SMYD3: variants seen among roughly 807,000 people sequenced by gnomAD.
The protein encoded by SMYD3 is histone-lysine N-methyltransferase SMYD3.
A neutral mutation model predicts 57.7 loss-of-function variants in SMYD3; 36 were observed. The ratio of observed to expected loss-of-function variants is 0.62; its 90% CI spans 0.48 to 0.82. SMYD3 has a LOEUF of 0.82. SMYD3 is among the 40% of genes least tolerant of loss of function. SMYD3 has a pLI of 0.00. For synonymous variants in SMYD3, 211 were observed against 195.0 expected (o/e 1.08, Z -0.68); for missense variants, 515 against 538.8 (o/e 0.96, Z 0.44).
chr1:245,901,696 G>C (rs1283901483), intron 8 of SMYD3, among the ~76,000 whole-genome samples: 1 of 152,156 alleles, frequency 6.6e-6, no homozygotes, highest in Non-Finnish European at 1.5e-5. Flanking sequence ...GTTAAACAGA[G>C]CATCTAAGAG....
intron 1 of SMYD3, among the ~76,000 whole-genome samples, chr1:246,379,887 C>G (rs1572441166): frequency 6.6e-6 from 1 of 151,958 alleles, no homozygotes; most frequent in Non-Finnish European, 1.5e-5. Context: ...GTAATCCCAG[C>G]TACTCAAGAG....
chr1:245,924,993 A>C (rs2147822057), intron 7 of SMYD3, among the ~76,000 whole-genome samples: 2 of 152,072 alleles, frequency 1.3e-5, no homozygotes, highest in East Asian at 3.9e-4. Context: ...ATCTTTAAGA[A>C]GTCTCATTAA....
chr1:246,441,907 C>T (rs1468346759), intron 1 of SMYD3, among the ~76,000 whole-genome samples: 1 of 152,214 alleles, frequency 6.6e-6, no homozygotes, highest in Non-Finnish European at 1.5e-5. Flanking sequence ...CTTACGCGCC[C>T]CACCTTCTTT....
At chr1:246,227,409 A>G (rs1216722062) in intron 5 of SMYD3, among the ~76,000 whole-genome samples, 2 of 152,168 alleles carry the variant, frequency 1.3e-5, no homozygotes, top group East Asian at 3.8e-4. Context: ...AGGTCAAGAG[A>G]TCGAGACCAT....
At chr1:246,133,492 C>G (rs2061618797) in intron 5 of SMYD3, among the ~76,000 whole-genome samples, 1 of 152,042 alleles carries the variant, frequency 6.6e-6, no homozygotes, top group Non-Finnish European at 1.5e-5. Context: ...ATGATAGTAT[C>G]TCATTGTTCC....
chr1:246,506,978 G>GCCCCCCCCACCCCCCCCCCCCCC, intron 1 of SMYD3, 76 bp downstream of exon 1: 1 of 1,174,506 alleles, frequency 8.5e-7, no homozygotes, highest in Admixed American at 3.6e-5. Flanking sequence ...CGCGGCTGCC[G>GCCCCCCCCACCCCCCCCCCCCCC]GCCGCCCGAC....
At chr1:246,194,416 G>C (rs1007886017) in intron 5 of SMYD3, among the ~76,000 whole-genome samples, 2 of 152,032 alleles carry the variant, frequency 1.3e-5, no homozygotes, top group Non-Finnish European at 2.9e-5. Flanking sequence ...CTACGGGCAT[G>C]TGCCATCATG....
chr1:245,847,733 G>A (rs1392265019), intron 10 of SMYD3, among the ~76,000 whole-genome samples: 1 of 152,094 alleles, frequency 6.6e-6, no homozygotes, highest in Non-Finnish European at 1.5e-5. Context: ...CTGCTGCTTA[G>A]AGTACAATTT....
At chr1:246,256,471 G>A (rs894452889) in intron 5 of SMYD3, among the ~76,000 whole-genome samples, 3 of 152,196 alleles carry the variant, frequency 2.0e-5, no homozygotes, top group Non-Finnish European at 4.4e-5. Flanking sequence ...TGTGTGCATA[G>A]AGGTGTTCAT....
intron 5 of SMYD3, among the ~76,000 whole-genome samples, chr1:246,159,562 G>A (rs111727976): frequency 0.016 from 2,274 of 144,308 alleles, 52 homozygotes; most frequent in African/African-American, 0.055. Flanking sequence ...TTGTAGCCCC[G>A]AAAAAAAAAA....
intron 1 of SMYD3, among the ~76,000 whole-genome samples, chr1:246,397,053 C>T (rs1210737338): frequency 1.3e-4 from 20 of 152,186 alleles, no homozygotes; most frequent in Admixed American, 8.5e-4. Context: ...GTATGCTCTT[C>T]GGAAAACTGT....
intron 5 of SMYD3, among the ~76,000 whole-genome samples, chr1:246,167,993 T>G (rs542343069): frequency 6.6e-6 from 1 of 152,312 alleles, no homozygotes; most frequent in East Asian, 1.9e-4. Flanking sequence ...TTCTTCTCTA[T>G]GCATACTCCT....
At chr1:246,154,413 T>C (rs2061989632) in intron 5 of SMYD3, among the ~76,000 whole-genome samples, 1 of 152,120 alleles carries the variant, frequency 6.6e-6, no homozygotes, top group Admixed American at 6.5e-5. Context: ...AGGGCTTAAG[T>C]CTTCAGAATT....
At chr1:246,191,445 C>T (rs557794695) in intron 5 of SMYD3, among the ~76,000 whole-genome samples, 12 of 152,228 alleles carry the variant, frequency 7.9e-5, no homozygotes, top group African/African-American at 2.9e-4. Flanking sequence ...CAGAAAGACA[C>T]TGCATTTTTA....
intron 5 of SMYD3, among the ~76,000 whole-genome samples, chr1:246,036,720 A>ATTTTTTTTTTTT (rs546300378): frequency 1.8e-5 from 2 of 110,502 alleles, no homozygotes; most frequent in Non-Finnish European, 3.5e-5. Context: ...AGCCCGGCTA[A>ATTTTTTTTTTTT]TTTTTTTTTT....
chr1:246,167,810 C>T (rs1370869306), intron 5 of SMYD3, among the ~76,000 whole-genome samples: 1 of 152,150 alleles, frequency 6.6e-6, no homozygotes, highest in East Asian at 1.9e-4. Context: ...CACGCCCAGC[C>T]TCATTGTGGT....
intron 10 of SMYD3, among the ~76,000 whole-genome samples, chr1:245,829,899 A>G (rs1241051747): frequency 3.3e-5 from 5 of 152,178 alleles, no homozygotes; most frequent in Non-Finnish European, 7.3e-5. Flanking sequence ...CCATTTATAT[A>G]AACTGTCTAG....
At chr1:246,478,288 A>T (rs1311321392) in intron 1 of SMYD3, among the ~76,000 whole-genome samples, 1 of 152,256 alleles carries the variant, frequency 6.6e-6, no homozygotes, top group Admixed American at 6.5e-5. Flanking sequence ...TACTAAGGAT[A>T]CTCTGTGTAA....
intron 1 of SMYD3, among the ~76,000 whole-genome samples, chr1:246,463,833 CAAAA>C (rs35826530): frequency 2.6e-4 from 18 of 70,472 alleles, no homozygotes; most frequent in African/African-American, 5.5e-4. Context: ...GACCCCGTCT[CAAAA>C]AAAAAAAAAA....
Sources: gnomAD v4.1 joint callset for allele counts (sites outside exome capture counted in the v4.1 genomes callset) on GRCh38, gnomAD v4.1.1 for gene constraint, MANE v1.5 for transcripts, NCBI Gene and HGNC (gene_info 2026-07-23, HGNC 2026-07-21) for gene names.